The following SSPN variants were observed in gnomAD, a reference collection of about 807,000 sequenced individuals.
The protein encoded by SSPN is sarcospan.
In SSPN, 15 loss-of-function variants were observed where a neutral mutation model predicts 19.1. The observed-to-expected ratio is 0.78, with a 90% CI of 0.52 to 1.21. The LOEUF is 1.21. Among genes scored for constraint, SSPN ranks in the 50% most tolerant of loss-of-function variants. The probability of loss-of-function intolerance (pLI) is 0.00; values close to 1 mark genes in which losing one functional copy is unlikely to be tolerated. For missense variants in SSPN, 291 were observed against 314.0 expected, an observed-to-expected ratio of 0.93 and a Z score of 0.55; for synonymous variants, 147 against 140.3, an observed-to-expected ratio of 1.05 and a Z score of -0.34.
chr12:26,122,714 C>A lies in SSPN; in HGVS notation c.-31+562C>A, dbSNP rs539462331. ...CCGGCGAGTCCTCCCCGGGAGGCTC[C>A]TGCTTGATGGTGACGCGGCTCGCCC... On this transcript the variant is annotated intron_variant, in intron 1 of 2. Coordinates refer to the SSPN transcript ENST00000538142. 3 of 1,586,576 alleles carry A rather than the reference C, an allele frequency of 1.9e-6. No homozygotes were observed. In the African/African-American group the frequency reaches 4.2e-5, roughly 22 times the overall value.
At chr12:26,196,358 T>C (rs748134899) in intron 1 of SSPN, among the ~76,000 whole-genome samples, 3 of 152,232 alleles carry the variant, frequency 2.0e-5, no homozygotes, top group Non-Finnish European at 4.4e-5. Context: ...GTTCATCTAG[T>C]GAAAGCAGGA....
intron 1 of SSPN, among the ~76,000 whole-genome samples, chr12:26,160,898 A>G (rs1318269997): frequency 1.3e-5 from 2 of 152,102 alleles, no homozygotes; most frequent in Non-Finnish European, 2.9e-5. Flanking sequence ...ACTTGAGGTC[A>G]GGAGTTCGAG....
intron 1 of SSPN, among the ~76,000 whole-genome samples, chr12:26,176,528 C>T (rs1444855326): frequency 6.6e-6 from 1 of 152,192 alleles, no homozygotes; most frequent in East Asian, 1.9e-4. Context: ...TTGCTTATGC[C>T]TTTTCTGCAG....
intron 1 of SSPN, among the ~76,000 whole-genome samples, chr12:26,153,295 G>A (rs1435021843): frequency 6.6e-6 from 1 of 152,116 alleles, no homozygotes; most frequent in African/African-American, 2.4e-5. Flanking sequence ...ATCTTATTAA[G>A]CACTATCTAT....
intron 1 of SSPN, among the ~76,000 whole-genome samples, chr12:26,148,188 T>A (rs1455066327): frequency 6.6e-6 from 1 of 152,146 alleles, no homozygotes; most frequent in Non-Finnish European, 1.5e-5. Context: ...TGTCTTCCCA[T>A]CCTCCTGCCA....
intron 1 of SSPN, among the ~76,000 whole-genome samples, chr12:26,130,369 A>G (rs911700133): frequency 6.6e-6 from 1 of 152,200 alleles, no homozygotes; most frequent in Admixed American, 6.5e-5. Flanking sequence ...CAATTGTCAG[A>G]TGGTGTCCTC....
intron 1 of SSPN, among the ~76,000 whole-genome samples, chr12:26,154,619 A>T (rs903459356): frequency 1.2e-4 from 18 of 152,206 alleles, no homozygotes; most frequent in African/African-American, 4.3e-4. Context: ...TGGGGAAGTT[A>T]CTTAACCTTT....
At chr12:26,123,666 C>T in intron 1 of SSPN, 1 of 1,613,992 alleles carries the variant, frequency 6.2e-7, no homozygotes, top group Non-Finnish European at 8.5e-7. Context: ...TGCTGTTGCT[C>T]GGTTAAGGCG....
At chr12:26,208,024 G>C (rs945769675) in intron 1 of SSPN, among the ~76,000 whole-genome samples, 2 of 151,002 alleles carry the variant, frequency 1.3e-5, no homozygotes, top group Non-Finnish European at 1.5e-5. Flanking sequence ...GTGGTGGGGG[G>C]GGGGGATATA....
chr12:26,201,020 T>TA (rs1261070983), intron 1 of SSPN, among the ~76,000 whole-genome samples: 4 of 41,914 alleles, frequency 9.5e-5, no homozygotes, highest in East Asian at 9.6e-4. Context: ...TGTATATATA[T>TA]ATATATATAT....
intron 1 of SSPN, among the ~76,000 whole-genome samples, chr12:26,210,520 CTCTCTG>C (rs1309717439): frequency 6.6e-6 from 1 of 152,068 alleles, no homozygotes; most frequent in Non-Finnish European, 1.5e-5. Flanking sequence ...GTGTCTCTCT[CTCTCTG>C]TCTCTGTCTC....
chr12:26,122,264 C>T (rs1944313971), intron 1 of SSPN: 1 of 1,228,024 alleles, frequency 8.1e-7, no homozygotes, highest in Admixed American at 4.4e-5. Flanking sequence ...GCGACAACAC[C>T]GAGGACAGGC....
chr12:26,167,273 AT>A (rs1277537475), intron 1 of SSPN, among the ~76,000 whole-genome samples: 1 of 152,130 alleles, frequency 6.6e-6, no homozygotes, highest in African/African-American at 2.4e-5. Context: ...TATTTTGTTG[AT>A]TTTTTTCATC....
In SSPN at chr12:26,143,995, A is replaced by C. The variant is rs147619584; in HGVS notation, c.-31+21843A>C. On this transcript the variant is annotated intron_variant, in intron 1 of 2. Coordinates refer to the SSPN transcript ENST00000538142. ...CACATGGGACCATCCAGTTGCAGGA[A>C]AACAAGCTCAGGTCTCCCACTGATT... is the stretch of plus-strand genomic sequence containing the variant. Among the ~76,000 whole-genome samples the C allele has an allele frequency of 6.8e-3, 1,033 of 152,350 alleles. 12 individuals are homozygous for C. Among genetic ancestry groups the C allele is most frequent in the African/African-American group, 0.024 (979 of 41,582 alleles).
chr12:26,199,502 C>T (rs1358723408), intron 1 of SSPN, among the ~76,000 whole-genome samples: 1 of 152,160 alleles, frequency 6.6e-6, no homozygotes, highest in Non-Finnish European at 1.5e-5. Context: ...AATGACAAAA[C>T]AAAGTGAAAT....
intron 1 of SSPN, among the ~76,000 whole-genome samples, chr12:26,177,684 T>C (rs1944692987): frequency 6.6e-6 from 1 of 152,182 alleles, no homozygotes; most frequent in African/African-American, 2.4e-5. Flanking sequence ...ACAGAAATCC[T>C]AGAAACTGGG....
intron 1 of SSPN, among the ~76,000 whole-genome samples, chr12:26,199,841 A>G (rs190567958): frequency 6.6e-6 from 1 of 152,332 alleles, no homozygotes; most frequent in Non-Finnish European, 1.5e-5. Flanking sequence ...TGAATCAACT[A>G]CCTGGAGGAG....
chr12:26,206,447 A>C (rs908411037), intron 1 of SSPN, among the ~76,000 whole-genome samples: 2 of 152,156 alleles, frequency 1.3e-5, no homozygotes, highest in Non-Finnish European at 2.9e-5. Context: ...TTACTGTATA[A>C]TTTCTATGCA....
chr12:26,122,386 A>C, intron 1 of SSPN: 1 of 1,232,146 alleles, frequency 8.1e-7, no homozygotes, highest in Non-Finnish European at 1.0e-6. Flanking sequence ...GCCGCCGGGT[A>C]CAGATACTTC....
Sources: gnomAD v4.1 joint callset for allele counts (sites outside exome capture counted in the v4.1 genomes callset) on GRCh38, gnomAD v4.1.1 for gene constraint, MANE v1.5 for transcripts, NCBI Gene and HGNC (gene_info 2026-07-23, HGNC 2026-07-21) for gene names.